Variants in RNF24 observed in about 807,000 individuals in gnomAD.
The protein encoded by RNF24 is ring finger protein 24.
Under a neutral mutation model 20.0 loss-of-function variants are expected in RNF24, and 14 were observed. The observed-to-expected ratio is 0.70, with a 90% CI of 0.46 to 1.10. RNF24 has a LOEUF of 1.10. RNF24 is among the 50% of genes least tolerant of loss of function. RNF24 has a pLI of 0.00. For missense variants in RNF24, 124 were observed against 177.6 expected (o/e 0.70, Z 1.71); for synonymous variants, 45 against 61.1 (o/e 0.74, Z 1.23).
chr20:3,952,192 T>C (rs2091089429), intron 2 of RNF24, among the ~76,000 whole-genome samples: 1 of 151,970 alleles, frequency 6.6e-6, no homozygotes, highest in Non-Finnish European at 1.5e-5. Context: ...AGTAAGAATG[T>C]ACAAAATTCA....
At position 3,933,379 on chromosome 20, in the gene RNF24, C is replaced by T. The variant is rs1024801640; in HGVS notation, c.*684G>A. ...GCCCACTCCCTGCTGGGGCTCTGGA[C>T]GGGCCTTACTGGTGCATAGGAGAGG... On this transcript the variant is annotated 3_prime_UTR_variant, in exon 6 of 6. Coordinates refer to ENST00000358395, the MANE Select transcript of RNF24 (RefSeq NM_001134337.3). 1.8e-5 allele frequency: 7 copies of T among 395,214 alleles called. No homozygotes were observed. Among genetic ancestry groups the T allele is most frequent in the East Asian group, 3.6e-5 (1 of 27,894 alleles). The allele number at this position is 395,214 out of a possible 1,614,324, so 24.5% of individuals were successfully genotyped here.
At chr20:3,967,148 A>C (rs1040839301) in intron 1 of RNF24, among the ~76,000 whole-genome samples, 4 of 152,208 alleles carry the variant, frequency 2.6e-5, no homozygotes, top group Non-Finnish European at 5.9e-5. Context: ...TTTTTATCAT[A>C]ATGTATTTTC....
chr20:3,986,215 T>TCTTC (rs1276584356), intron 1 of RNF24, among the ~76,000 whole-genome samples: 1 of 152,160 alleles, frequency 6.6e-6, no homozygotes, highest in Non-Finnish European at 1.5e-5. Context: ...TTCTTTTCTT[T>TCTTC]CTTCCTTCCC....
intron 1 of RNF24, among the ~76,000 whole-genome samples, chr20:3,991,216 CTATTTT>C (rs1307472896): frequency 6.9e-6 from 1 of 145,118 alleles, no homozygotes; most frequent in African/African-American, 2.5e-5. Flanking sequence ...TTGGAAGAAG[CTATTTT>C]TATTTTTATT....
chr20:3,945,068 A>G, intron 4 of RNF24, 109 bp downstream of exon 4: 1 of 1,415,122 alleles, frequency 7.1e-7, no homozygotes, highest in Non-Finnish European at 9.6e-7. Context: ...ACCCCAATCA[A>G]AATAAGCCTA....
intron 4 of RNF24, among the ~76,000 whole-genome samples, chr20:3,941,366 A>G (rs1025966942): frequency 2.6e-5 from 4 of 152,302 alleles, no homozygotes; most frequent in African/African-American, 9.6e-5. Flanking sequence ...ATATTGCACA[A>G]AGAGGGGAAG....
At chr20:3,944,731 A>G (rs1476667794) in intron 4 of RNF24, among the ~76,000 whole-genome samples, 3 of 152,196 alleles carry the variant, frequency 2.0e-5, no homozygotes, top group African/African-American at 7.2e-5. Flanking sequence ...CCAAGGATTC[A>G]TATCGCTACC....
chr20:3,934,030 C>T lies in RNF24; in HGVS notation c.*33G>A, dbSNP rs372623206. 8.4e-5 allele frequency: 119 copies of T among 1,424,452 alleles called. No individual in the cohort carries two copies. Among genetic ancestry groups the T allele is most frequent in the Non-Finnish European group, 1.1e-4 (115 of 1,084,112 alleles). The allele number at this position is 1,424,452 out of a possible 1,614,324, so 88.2% of individuals were successfully genotyped here. A position where few individuals can be genotyped will look rare whatever the true frequency, so the allele number is the denominator to read the frequency against. Reference sequence around the variant, plus strand: ...GTTCCTCCTGGCTCCACACAGACGTCGTGTCCAGCAACAGTCTGATCCTTG... The same window carrying T: ...GTTCCTCCTGGCTCCACACAGACGTTGTGTCCAGCAACAGTCTGATCCTTG... On this transcript the variant is annotated 3_prime_UTR_variant, in exon 6 of 6. Coordinates refer to ENST00000358395, the MANE Select transcript of RNF24 (RefSeq NM_001134337.3). The surrounding 1 kb of genome is among the most constrained non-coding windows in gnomAD (Gnocchi z 4.0).
intron 4 of RNF24, among the ~76,000 whole-genome samples, 177 bp downstream of exon 4, chr20:3,945,000 T>A (rs1379713487): frequency 6.6e-6 from 1 of 152,182 alleles, no homozygotes; most frequent in African/African-American, 2.4e-5. Flanking sequence ...GTTATATTAC[T>A]CTCGTAAAGC....
At chr20:3,948,344 A>C in intron 2 of RNF24, 65 bp from the exon 3 acceptor site, 1 of 1,161,412 alleles carries the variant, frequency 8.6e-7, no homozygotes, top group Non-Finnish European at 1.2e-6. Flanking sequence ...AGAAAAATAA[A>C]AAGTTGCTGA....
intron 1 of RNF24, among the ~76,000 whole-genome samples, chr20:3,992,736 A>G (rs1980556715): frequency 6.6e-6 from 1 of 152,218 alleles, no homozygotes. Flanking sequence ...AATTTCATGG[A>G]AACTGACAGA....
rs1254201022 is a variant in RNF24, at chr20:3,929,888, C to T, written c.*4175G>A. 1 of 152,238 alleles carries T rather than the reference C, an allele frequency of 6.6e-6. No homozygotes were observed. The highest frequency in any genetic ancestry group is 1.5e-5 in the Non-Finnish European group (1 of 68,046). The allele number at this position is 152,238 out of a possible 1,614,324, so 9.4% of individuals were successfully genotyped here. A position where few individuals can be genotyped will look rare whatever the true frequency, so the allele number is the denominator to read the frequency against. On this transcript the variant is annotated 3_prime_UTR_variant, in exon 6 of 6. Transcript: ENST00000358395. ...TAAAATGAAAATATGTCTTACTCAACAGGAGTGTGATTGCAAAAACATCCC... is the reference window on the plus strand; with the variant it reads ...TAAAATGAAAATATGTCTTACTCAATAGGAGTGTGATTGCAAAAACATCCC...
At position 3,971,880 on chromosome 20, in the gene RNF24, A is replaced by G. The variant is rs183781110; in HGVS notation, c.-7-7856T>C. ...AGAGACTGGCAGAATGAATTAAAAA[A>G]CATCACCCAATAATATGCTGTCTAC... On this transcript the variant is annotated intron_variant, in intron 1 of 5. Transcript: ENST00000358395. Among the ~76,000 whole-genome samples the G allele has an allele frequency of 1.6e-3, 239 of 152,330 alleles. 1 individual carries two copies. Among genetic ancestry groups the G allele is most frequent in the African/African-American group, 5.5e-3 (229 of 41,582 alleles).
chr20:3,950,747 G>A (rs986514124), intron 2 of RNF24, among the ~76,000 whole-genome samples: 1 of 152,028 alleles, frequency 6.6e-6, no homozygotes, highest in Non-Finnish European at 1.5e-5. Context: ...TATATACTAT[G>A]TCCACATTTT....
chr20:3,983,666 C>T (rs1048164269), intron 1 of RNF24, among the ~76,000 whole-genome samples: 5 of 152,010 alleles, frequency 3.3e-5, no homozygotes, highest in Admixed American at 6.6e-5. Flanking sequence ...ATCAGCCAGG[C>T]GTCGTGGCTC....
At chr20:3,994,641 CT>C (rs918156248) in intron 1 of RNF24, among the ~76,000 whole-genome samples, 3 of 152,130 alleles carry the variant, frequency 2.0e-5, no homozygotes, top group African/African-American at 7.2e-5. Context: ...AACCAAACCC[CT>C]GGGAAAGGTG....
At chr20:4,009,732 T>A (rs1476372623) in intron 1 of RNF24, among the ~76,000 whole-genome samples, 2 of 152,120 alleles carry the variant, frequency 1.3e-5, no homozygotes, top group Non-Finnish European at 2.9e-5. Flanking sequence ...AGTGTCTACT[T>A]CGGATTTTTG....
chr20:3,959,878 G>A (rs1035927479), intron 2 of RNF24, among the ~76,000 whole-genome samples: 28 of 152,186 alleles, frequency 1.8e-4, no homozygotes, highest in Non-Finnish European at 3.7e-4. Context: ...TGCCAGGCAC[G>A]ATTCTGAGTG....
intron 2 of RNF24, among the ~76,000 whole-genome samples, chr20:3,961,200 G>C (rs1401550165): frequency 6.6e-6 from 1 of 151,982 alleles, no homozygotes; most frequent in Admixed American, 6.6e-5. Flanking sequence ...CCAAGAGTTG[G>C]AGACCAGTCT....
Sources: gnomAD v4.1 joint callset for allele counts (sites outside exome capture counted in the v4.1 genomes callset) on GRCh38, gnomAD v4.1.1 for gene constraint, Gnocchi (gnomAD v3.1) non-coding constraint, MANE v1.5 for transcripts, NCBI Gene and HGNC (gene_info 2026-07-23, HGNC 2026-07-21) for gene names.